The following CHCHD5 variants were observed in gnomAD, a reference collection of about 807,000 sequenced individuals.
CHCHD5 encodes the protein coiled-coil-helix-coiled-coil-helix domain containing 5, also known as coiled-coil-helix-coiled-coil-helix domain-containing protein 5.
CHCHD5 carries 10 observed loss-of-function variants against 16.0 expected under a neutral mutation model. The ratio of observed to expected loss-of-function variants is 0.63; its 90% confidence interval spans 0.39 to 1.06. The LOEUF (loss-of-function observed/expected upper bound fraction) is 1.06. Ranked by LOEUF, CHCHD5 falls within the 50% of genes least tolerant of loss-of-function variation. CHCHD5 has a pLI of 0.01. For missense variants in CHCHD5, 163 were observed against 153.4 expected, an observed-to-expected ratio of 1.06 and a Z score of -0.33; for synonymous variants, 55 against 56.3, an observed-to-expected ratio of 0.98 and a Z score of 0.10.
chr2:112,585,869 G>A, intron 1 of CHCHD5, 105 bp from the exon 2 acceptor site: 1 of 1,336,466 alleles, frequency 7.5e-7, no homozygotes. Flanking sequence ...CTGCACTCCA[G>A]CCTGGGCCAC....
At position 112,584,669 on chromosome 2, in the gene CHCHD5, A is replaced by T. The variant is rs968731366; in HGVS notation, c.2+20A>T. 1.3e-5 allele frequency: 21 copies of T among 1,613,820 alleles called. No individual in the cohort carries two copies. The highest frequency in any genetic ancestry group is 1.7e-5 in the Non-Finnish European group (20 of 1,179,818). ...CGAGATGTGAGTAGTGAGAGCGCCT[A>T]CCCCATACGTGCTGCCGCTCCCCTT... On this transcript the variant is annotated intron_variant, in intron 1 of 3. Coordinates refer to ENST00000324913, the MANE Select transcript of CHCHD5 (RefSeq NM_032309.4).
intron 2 of CHCHD5, 39 bp from the exon 3 acceptor site, chr2:112,586,161 T>C: frequency 4.5e-6 from 6 of 1,329,620 alleles, no homozygotes; most frequent in Non-Finnish European, 6.4e-6. Context: ...GGCAGTGGGG[T>C]GGGAATCTCC....
At chr2:112,586,554 CA>C in intron 3 of CHCHD5, 189 bp downstream of exon 3, 1 of 1,527,316 alleles carries the variant, frequency 6.5e-7, no homozygotes, top group Non-Finnish European at 8.8e-7. Flanking sequence ...AATCCACCAC[CA>C]CCCTCACCCT....
chr2:112,584,655 T>C lies in CHCHD5; in HGVS notation c.2+6T>C, dbSNP rs1685148395. The C allele has an allele frequency of 1.2e-6, 2 of 1,613,630 alleles. No individual in the cohort carries two copies. Among genetic ancestry groups the C allele is most frequent in the South Asian group, 2.2e-5 (2 of 90,856 alleles). On this transcript the variant is annotated splice_donor_region_variant and intron_variant, in intron 1 of 3. Transcript: ENST00000324913. Reference sequence around the variant, plus strand: ...GCCGGCAAAGGTCTCGAGATGTGAGTAGTGAGAGCGCCTACCCCATACGTG... The same window carrying C: ...GCCGGCAAAGGTCTCGAGATGTGAGCAGTGAGAGCGCCTACCCCATACGTG...
Position 112,586,262 on chromosome 2 carries a change from T to C in CHCHD5, c.206T>C (p.Leu69Pro). ...AQPFEAFEEC[L>P]RQNEAAVGNC... ...CCTTTTGAGGCCTTCGAGGAGTGTC[T>C]TCGACAGAACGAGGCAGCTGTGGGC... Residue 69 changes from leucine to proline, a missense_variant, in exon 3 of 4, where the codon CTT becomes CCT. Coordinates refer to ENST00000324913, the MANE Select transcript of CHCHD5 (RefSeq NM_032309.4). 6.2e-7 allele frequency: 1 copy of C among 1,614,204 alleles called. No individual in the cohort carries two copies. Among genetic ancestry groups the C allele is most frequent in the Non-Finnish European group, 8.5e-7 (1 of 1,180,004 alleles).
chr2:112,588,600 G>T (rs546457212), intron 3 of CHCHD5: 4 of 473,680 alleles, frequency 8.4e-6, no homozygotes, highest in South Asian at 3.1e-5. Context: ...TTTATTGTCC[G>T]TCTCTCCCTG....
intron 1 of CHCHD5, 176 bp downstream of exon 1, chr2:112,584,825 C>CA (rs1181642881): frequency 1.4e-6 from 1 of 724,388 alleles, no homozygotes; most frequent in East Asian, 2.7e-5. Context: ...TGCCCAAGCC[C>CA]CGCCCTCTAA....
chr2:112,588,772 G>A (rs1685297728), intron 3 of CHCHD5, 94 bp from the exon 4 acceptor site: 1 of 953,780 alleles, frequency 1.0e-6, no homozygotes, highest in South Asian at 1.3e-5. Flanking sequence ...CCAGACTGTG[G>A]GCTCTGCAGG....
intron 1 of CHCHD5, 197 bp downstream of exon 1, chr2:112,584,846 C>T (rs983635460): frequency 1.1e-5 from 7 of 621,148 alleles, no homozygotes; most frequent in East Asian, 2.8e-5. Context: ...GCGTTTAGGC[C>T]TCGCCCCCTC....
intron 1 of CHCHD5, chr2:112,584,971 A>C: frequency 4.2e-6 from 2 of 472,604 alleles, no homozygotes; most frequent in South Asian, 2.9e-5. Context: ...AGGGACCTCT[A>C]TGACTCCTAC....
At chr2:112,586,574 A>G (rs1685234500) in intron 3 of CHCHD5, 5 of 1,514,726 alleles carry the variant, frequency 3.3e-6, no homozygotes, top group African/African-American at 1.4e-5. Flanking sequence ...CTCCACCTCC[A>G]GGATACCTGC....
intron 3 of CHCHD5, chr2:112,588,016 G>A (rs1169889153): frequency 1.3e-5 from 2 of 152,452 alleles, no homozygotes; most frequent in Non-Finnish European, 2.9e-5. Context: ...AGGGCCGGGT[G>A]CGGTGGCACA....
chr2:112,585,477 A>T (rs1685181286), intron 1 of CHCHD5, among the ~76,000 whole-genome samples: 1 of 152,126 alleles, frequency 6.6e-6, no homozygotes, highest in South Asian at 2.1e-4. Flanking sequence ...TCTCCCCAGA[A>T]GCTCCCCTCC....
chr2:112,584,608 C>A, upstream of CHCHD5: 1 of 1,611,794 alleles, frequency 6.2e-7, no homozygotes. Flanking sequence ...AAAGGCGGGT[C>A]GTTCCCCCCG....
In CHCHD5 at chr2:112,586,221, C is replaced by T. The variant is rs945627873; in HGVS notation, c.165C>T (p.Arg55=). ...ACAGCCCAATCATCCGCCAGATCCG[C>T]CAGGCCTGTGCTCAGCCTTTTGAGG... ...TSSHPIIRQI[R]QACAQPFEAF... is the part of the protein sequence containing the mutation. Residue 55 remains arginine, a synonymous_variant, in exon 3 of 4, where the codon CGC becomes CGT. Coordinates refer to ENST00000324913, the MANE Select transcript of CHCHD5 (RefSeq NM_032309.4). The T allele has an allele frequency of 1.9e-6, 3 of 1,611,214 alleles. No individual in the cohort carries two copies. The highest frequency in any genetic ancestry group is 1.7e-5 in the Admixed American group (1 of 59,972).
upstream of CHCHD5, chr2:112,584,536 T>A: frequency 2.2e-6 from 3 of 1,380,780 alleles, no homozygotes; most frequent in Non-Finnish European, 3.1e-6. Flanking sequence ...GGGTTGTTAG[T>A]TCAATTGGCT....
At position 112,586,094 on chromosome 2, in the gene CHCHD5, T is replaced by C. The variant is rs1685207615; in HGVS notation, c.123T>C (p.Ile41=). The change falls in exon 2 of 4, where the codon ATT becomes ATC. Residue 41 remains isoleucine, a synonymous_variant. Transcript: ENST00000324913. ...QRDCHYLKMS[I]AQCTSSHPII... ...ACTGTCACTACCTTAAGATGAGCATTGCCCAGTGCACATCCTCCCAGTGAG... is the reference window on the plus strand; with the variant it reads ...ACTGTCACTACCTTAAGATGAGCATCGCCCAGTGCACATCCTCCCAGTGAG... 6.3e-7 allele frequency: 1 copy of C among 1,584,454 alleles called. No individual in the cohort carries two copies. The highest frequency in any genetic ancestry group is 8.6e-7 in the Non-Finnish European group (1 of 1,163,776).
chr2:112,588,902 C>A lies in CHCHD5; in HGVS notation c.*13C>A, dbSNP rs200858904. On this transcript the variant is annotated 3_prime_UTR_variant, in exon 4 of 4. Transcript: ENST00000324913. ...TCCTGCCTCCTGAGGACTCCTCTGA[C>A]GGCAGGAAAACTGGACATGAATGAC... 4 of 1,608,122 alleles carry A rather than the reference C, an allele frequency of 2.5e-6. No individual in the cohort carries two copies. The highest frequency in any genetic ancestry group is 1.3e-5 in the African/African-American group (1 of 74,786).
chr2:112,588,954 T>C lies in CHCHD5; in HGVS notation c.*65T>C. 1 of 1,225,346 alleles carries C rather than the reference T, an allele frequency of 8.2e-7. No individual in the cohort carries two copies. Among genetic ancestry groups the C allele is most frequent in the Non-Finnish European group, 1.2e-6 (1 of 831,938 alleles). The allele number at this position is 1,225,346 out of a possible 1,614,324, so 75.9% of individuals were successfully genotyped here. A position where few individuals can be genotyped will look rare whatever the true frequency, so the allele number is the denominator to read the frequency against. On this transcript the variant is annotated 3_prime_UTR_variant, in exon 4 of 4. Coordinates refer to ENST00000324913, the MANE Select transcript of CHCHD5 (RefSeq NM_032309.4). Reference sequence around the variant, plus strand: ...GCCCCCACGCCCCTCCCCTGCAGAGTGGCCAGATGGAGTCCTGAGCCCTGG... The same window carrying C: ...GCCCCCACGCCCCTCCCCTGCAGAGCGGCCAGATGGAGTCCTGAGCCCTGG...
Sources: gnomAD v4.1 joint callset for allele counts (sites outside exome capture counted in the v4.1 genomes callset) on GRCh38, gnomAD v4.1.1 for gene constraint, MANE v1.5 for transcripts, NCBI Gene and HGNC (gene_info 2026-07-23, HGNC 2026-07-21) for gene names.